FBXO15: variants seen among roughly 807,000 people sequenced by gnomAD.
FBXO15 encodes the protein F-box protein 15.
A neutral mutation model predicts 49.5 loss-of-function variants in FBXO15; 30 were observed. The observed-to-expected ratio is 0.61, with a 90% CI of 0.45 to 0.82. The LOEUF is 0.82. Among genes scored for constraint, FBXO15 ranks in the 40% least tolerant of loss-of-function variants. The pLI is 0.00. For synonymous variants in FBXO15, 250 were observed against 232.7 expected, an observed-to-expected ratio of 1.07 and a Z score of -0.68; for missense variants, 591 against 631.5, an observed-to-expected ratio of 0.94 and a Z score of 0.69.
intron 8 of FBXO15, among the ~76,000 whole-genome samples, chr18:74,116,350 C>T (rs1401656981): frequency 6.6e-6 from 1 of 152,162 alleles, no homozygotes; most frequent in Non-Finnish European, 1.5e-5. Flanking sequence ...TGCATATGTG[C>T]ATTTCCAAAG....
intron 1 of FBXO15, among the ~76,000 whole-genome samples, chr18:74,147,365 C>G (rs1451618253): frequency 1.3e-5 from 2 of 152,116 alleles, no homozygotes; most frequent in East Asian, 1.9e-4. Flanking sequence ...ATTTAGGGCA[C>G]GCATCCCGGA....
intron 9 of FBXO15, among the ~76,000 whole-genome samples, chr18:74,080,210 G>A (rs1800707332): frequency 6.6e-6 from 1 of 152,150 alleles, no homozygotes; most frequent in Admixed American, 6.5e-5. Context: ...CAGATTCCTG[G>A]AGAGAAATAC....
intron 8 of FBXO15, among the ~76,000 whole-genome samples, chr18:74,101,562 A>G (rs1415488713): frequency 2.6e-5 from 4 of 152,100 alleles, no homozygotes; most frequent in African/African-American, 9.7e-5. Context: ...TAAATTCAAT[A>G]CAATTCCCAT....
At chr18:74,130,310 AC>A (rs1355301934) in intron 4 of FBXO15, 105 bp downstream of exon 4, 2 of 1,438,170 alleles carry the variant, frequency 1.4e-6, no homozygotes, top group Admixed American at 4.5e-5. Context: ...CACAAAACAC[AC>A]AAAAATACTA....
chr18:74,117,435 C>G (rs1164602536), intron 8 of FBXO15, among the ~76,000 whole-genome samples: 1 of 152,200 alleles, frequency 6.6e-6, no homozygotes, highest in Admixed American at 6.5e-5. Context: ...ACCACACTTA[C>G]AGTGCCAAAA....
intron 3 of FBXO15, among the ~76,000 whole-genome samples, chr18:74,134,096 G>A (rs1443739498): frequency 6.6e-6 from 1 of 152,224 alleles, no homozygotes; most frequent in Admixed American, 6.5e-5. Flanking sequence ...ATATGTGTAT[G>A]TGTGTGTTTG....
intron 3 of FBXO15, among the ~76,000 whole-genome samples, chr18:74,134,272 C>G (rs1978576684): frequency 6.6e-6 from 1 of 151,856 alleles, no homozygotes; most frequent in South Asian, 2.1e-4. Flanking sequence ...AGGGCTTATT[C>G]TGAGTTCCTC....
At chr18:74,081,333 G>T (rs1912486291) in intron 9 of FBXO15, among the ~76,000 whole-genome samples, 1 of 152,192 alleles carries the variant, frequency 6.6e-6, no homozygotes, top group African/African-American at 2.4e-5. Context: ...AGAGTGACAA[G>T]AACCAGGAGC....
At chr18:74,095,371 T>C (rs963775646) in intron 8 of FBXO15, among the ~76,000 whole-genome samples, 1 of 152,234 alleles carries the variant, frequency 6.6e-6, no homozygotes, top group Non-Finnish European at 1.5e-5. Flanking sequence ...TAGCTTTTGA[T>C]GTAAAGTGAG....
intron 8 of FBXO15, among the ~76,000 whole-genome samples, chr18:74,121,345 A>G (rs1289343308): frequency 6.6e-6 from 1 of 152,258 alleles, no homozygotes; most frequent in Non-Finnish European, 1.5e-5. Flanking sequence ...CAGCTGGAAG[A>G]TAAAACGAAA....
At chr18:74,134,615 G>A (rs940488655) in intron 3 of FBXO15, among the ~76,000 whole-genome samples, 5 of 152,056 alleles carry the variant, frequency 3.3e-5, no homozygotes, top group African/African-American at 1.2e-4. Context: ...TGATCCGCCC[G>A]CCTCGGCCTC....
intron 8 of FBXO15, chr18:74,098,423 A>C (rs955743147): frequency 6.6e-6 from 1 of 152,202 alleles, no homozygotes; most frequent in Non-Finnish European, 1.5e-5. Flanking sequence ...TAAATAAAAA[A>C]CAATTAAAAC....
At position 74,134,570 on chromosome 18, in the gene FBXO15, G is replaced by A. The variant is rs900645428; in HGVS notation, c.332+1192C>T. ...TTTTTAGTAGAGACGGGGTTTCACC[G>A]TGTTAGCCAGGATGGTCTCGATCTC... On this transcript the variant is annotated intron_variant, in intron 3 of 9. Transcript: ENST00000419743. Among the ~76,000 whole-genome samples, 16 of 151,886 alleles carry A rather than the reference G, an allele frequency of 1.1e-4. No individual in the cohort carries two copies. The East Asian group carries it at 1.2e-3, about 11-fold the overall frequency.
intron 1 of FBXO15, among the ~76,000 whole-genome samples, chr18:74,145,526 C>T (rs2145237046): frequency 6.7e-6 from 1 of 149,600 alleles, no homozygotes; most frequent in East Asian, 2.0e-4. Context: ...GACCATACAT[C>T]TTATCAGTGT....
intron 2 of FBXO15, among the ~76,000 whole-genome samples, chr18:74,136,915 C>A (rs1178709183): frequency 6.6e-6 from 1 of 152,130 alleles, no homozygotes; most frequent in Non-Finnish European, 1.5e-5. Flanking sequence ...AGGGCTTGCC[C>A]ATACTGTCTA....
chr18:74,116,477 A>G (rs1258693466), intron 8 of FBXO15, among the ~76,000 whole-genome samples: 2 of 152,252 alleles, frequency 1.3e-5, no homozygotes, highest in Admixed American at 1.3e-4. Flanking sequence ...TTATTCAAAA[A>G]TAGAATCCTG....
rs759298443 is a variant in FBXO15, at chr18:74,126,130, G to A, written c.786-29C>T. The A allele has an allele frequency of 8.7e-6, 14 of 1,611,428 alleles. No homozygotes were observed. In the African/African-American group the frequency reaches 1.9e-4, roughly 22 times the overall value. ...TGAACGTTATGCCAAGGAAAGGAGA[G>A]AGAGAAGTGAGCTTTCCTGTCCATA... On this transcript the variant is annotated intron_variant, in intron 5 of 9. Transcript: ENST00000419743.
chr18:74,107,205 A>C lies in FBXO15; in HGVS notation c.1138+16163T>G, dbSNP rs112722493. 4.4e-3 allele frequency among the ~76,000 whole-genome samples: 661 copies of C among 151,170 alleles called. 27 individuals carry two copies. Among genetic ancestry groups the C allele is most frequent in the Admixed American group, 0.038 (575 of 15,234 alleles). Reference sequence around the variant, plus strand: ...CAGTGATATTCTGTAAAAAAAAAAAAAACAACAAATTCTGTCATTTGTAAT... The same window carrying C: ...CAGTGATATTCTGTAAAAAAAAAAACAACAACAAATTCTGTCATTTGTAAT... On this transcript the variant is annotated intron_variant, in intron 8 of 9. Transcript: ENST00000419743.
intron 8 of FBXO15, among the ~76,000 whole-genome samples, chr18:74,089,963 A>G (rs1279801014): frequency 6.6e-6 from 1 of 152,132 alleles, no homozygotes; most frequent in African/African-American, 2.4e-5. Flanking sequence ...CTCCACCTCA[A>G]TTTTTTGGAA....
Sources: gnomAD v4.1 joint callset for allele counts (sites outside exome capture counted in the v4.1 genomes callset) on GRCh38, gnomAD v4.1.1 for gene constraint, MANE v1.5 for transcripts, NCBI Gene and HGNC (gene_info 2026-07-23, HGNC 2026-07-21) for gene names.